The following E2F6 variants were observed in gnomAD, a reference collection of about 807,000 sequenced individuals.
The protein encoded by E2F6 is transcription factor E2F6.
E2F6 carries 19 observed loss-of-function variants against 31.5 expected under a neutral mutation model. That is an observed-to-expected ratio of 0.60 (90% CI 0.42 to 0.89). E2F6 has a LOEUF of 0.89. Ranked by LOEUF, E2F6 falls within the 40% of genes least tolerant of loss-of-function variation. E2F6 has a pLI of 0.00. For synonymous variants in E2F6, 121 were observed against 127.7 expected (o/e 0.95, Z 0.36); for missense variants, 269 against 341.6 (o/e 0.79, Z 1.67).
At position 11,457,185 on chromosome 2, in the gene E2F6, T is replaced by C. The variant is rs1328757693; in HGVS notation, c.157A>G (p.Met53Val). 1.3e-6 allele frequency: 2 copies of C among 1,560,610 alleles called. No individual in the cohort carries two copies. Among genetic ancestry groups the C allele is most frequent in the Non-Finnish European group, 8.8e-7 (1 of 1,134,984 alleles). ...NLEDNVQYVSMRKALKVKRPR... is the reference protein window; with the variant it reads ...NLEDNVQYVSVRKALKVKRPR... ...TATTCAGGAATCAACTTACTTCTCA[T>C]GGACACATATTGTACATTATCTTCT... Residue 53 changes from methionine to valine, a missense_variant, in exon 2 of 7, where the codon ATG (methionine) becomes GTG (valine). Transcript: ENST00000381525.
chr2:11,453,559 G>A lies in E2F6; in HGVS notation c.380+23C>T, dbSNP rs376478332. The stretch of plus-strand genomic sequence containing the variant: ...CTTGATGAGAAGGAACAAAAGCCAC[G>A]AAAAAGTTTGAAAGCAACTCACATC... On this transcript the variant is annotated intron_variant, in intron 3 of 6. Coordinates refer to ENST00000381525, the MANE Select transcript of E2F6 (RefSeq NM_198256.4). The A allele has an allele frequency of 5.0e-6, 8 of 1,609,908 alleles. No homozygotes were observed. In the African/African-American group the frequency reaches 8.0e-5, roughly 16 times the overall value.
chr2:11,450,163 T>G, intron 4 of E2F6, 37 bp from the exon 5 acceptor site: 1 of 1,392,446 alleles, frequency 7.2e-7, no homozygotes. Context: ...CAGAATGCTG[T>G]TTACTGGGGA....
chr2:11,446,808 C>A (rs1045456124), intron 6 of E2F6, among the ~76,000 whole-genome samples: 2 of 152,226 alleles, frequency 1.3e-5, no homozygotes, highest in Non-Finnish European at 2.9e-5. Context: ...ACGACTCCCC[C>A]AGTCTTCGTA....
chr2:11,450,923 T>C (rs895389007), intron 4 of E2F6, among the ~76,000 whole-genome samples: 1 of 152,112 alleles, frequency 6.6e-6, no homozygotes, highest in South Asian at 2.1e-4. Context: ...CAGCACAGCA[T>C]ATAGGTTTAA....
intron 2 of E2F6, chr2:11,455,211 T>C (rs1362362543): frequency 1.4e-6 from 1 of 724,306 alleles, no homozygotes; most frequent in East Asian, 9.4e-5. Context: ...AAAAAGTTCT[T>C]ATGGCTTGGT....
intron 5 of E2F6, 34 bp from the exon 6 acceptor site, chr2:11,447,808 G>A: frequency 6.3e-7 from 1 of 1,588,044 alleles, no homozygotes; most frequent in Non-Finnish European, 8.5e-7. Flanking sequence ...CAAGATGAAT[G>A]AAATAATAAA....
At chr2:11,451,524 G>T in intron 4 of E2F6, 127 bp downstream of exon 4, 1 of 1,001,764 alleles carries the variant, frequency 1.0e-6, no homozygotes. Context: ...GGCTAATTTT[G>T]TATTTAACTT....
intron 2 of E2F6, among the ~76,000 whole-genome samples, chr2:11,455,041 T>C (rs1490007726): frequency 6.6e-6 from 1 of 152,238 alleles, no homozygotes; most frequent in African/African-American, 2.4e-5. Flanking sequence ...GAAACTACTG[T>C]ATGTCCCCTT....
intron 1 of E2F6, chr2:11,458,411 G>A: frequency 6.6e-7 from 1 of 1,514,714 alleles, no homozygotes; most frequent in Non-Finnish European, 9.0e-7. Flanking sequence ...AAGGTGTGAA[G>A]ATGTATATGG....
intron 6 of E2F6, among the ~76,000 whole-genome samples, chr2:11,447,350 C>G (rs1670781862): frequency 6.6e-6 from 1 of 152,166 alleles, no homozygotes; most frequent in Non-Finnish European, 1.5e-5. Context: ...CCGAGTGGAG[C>G]TGCTGTTTGA....
chr2:11,463,958 G>GGGGA (rs56958029), intron 1 of E2F6, among the ~76,000 whole-genome samples: 8 of 106,354 alleles, frequency 7.5e-5, no homozygotes, highest in South Asian at 3.4e-4. Flanking sequence ...CGGGGGGGGG[G>GGGGA]ACAAAAACAA....
chr2:11,459,596 A>G (rs564102575), intron 1 of E2F6, among the ~76,000 whole-genome samples: 1 of 152,128 alleles, frequency 6.6e-6, no homozygotes, highest in African/African-American at 2.4e-5. Context: ...ATAGAAACAT[A>G]AGTCCAGGCG....
At chr2:11,464,869 C>T (rs1193775965) in intron 1 of E2F6, among the ~76,000 whole-genome samples, 2 of 151,996 alleles carry the variant, frequency 1.3e-5, no homozygotes, top group Admixed American at 6.6e-5. Flanking sequence ...GGCATAATGA[C>T]TTGGGAAAAT....
chr2:11,450,838 G>GGA (rs924069409), intron 4 of E2F6, among the ~76,000 whole-genome samples: 1 of 151,950 alleles, frequency 6.6e-6, no homozygotes, highest in South Asian at 2.1e-4. Flanking sequence ...TTTGACTGCT[G>GGA]GAGAGAGTTT....
chr2:11,447,239 T>C (rs1220849200), intron 6 of E2F6, among the ~76,000 whole-genome samples: 1 of 152,044 alleles, frequency 6.6e-6, no homozygotes, highest in Non-Finnish European at 1.5e-5. Context: ...CTGAGTTGAG[T>C]GGGTATTTGA....
intron 6 of E2F6, 124 bp from the exon 7 acceptor site, chr2:11,446,647 A>C (rs548423046): frequency 1.3e-5 from 10 of 752,912 alleles, no homozygotes; most frequent in African/African-American, 5.4e-5. Context: ...TGCCTGGTCA[A>C]GAACACGTAT....
At position 11,458,461 on chromosome 2, in the gene E2F6, G is replaced by A; in HGVS notation, c.109-1228C>T. The A allele has an allele frequency of 4.5e-6, 5 of 1,117,710 alleles. No individual in the cohort carries two copies. The East Asian group carries it at 7.7e-5, about 17-fold the overall frequency. 69.2% of individuals were successfully genotyped at this position (1,117,710 alleles called of 1,614,324 possible). On this transcript the variant is annotated intron_variant, in intron 1 of 6. Transcript: ENST00000381525. Reference sequence around the variant, plus strand: ...GGGAACCCACTGAAGTGGCCAGTGTGTAAGTGACTTGACTTTGAAGCTGGG... The same window carrying A: ...GGGAACCCACTGAAGTGGCCAGTGTATAAGTGACTTGACTTTGAAGCTGGG...
intron 5 of E2F6, among the ~76,000 whole-genome samples, chr2:11,448,637 C>G (rs139591257): frequency 0.01 from 1,549 of 152,248 alleles, 4 homozygotes; most frequent in Middle Eastern, 0.031. Context: ...TTCTAGAGTG[C>G]CAGGTCACAA....
intron 3 of E2F6, 61 bp from the exon 4 acceptor site, chr2:11,451,867 G>A (rs542218591): frequency 6.6e-7 from 1 of 1,504,962 alleles, no homozygotes; most frequent in African/African-American, 1.4e-5. Flanking sequence ...GTAATTTCAA[G>A]TTAGGTTATT....
Sources: gnomAD v4.1 joint callset for allele counts (sites outside exome capture counted in the v4.1 genomes callset) on GRCh38, gnomAD v4.1.1 for gene constraint, MANE v1.5 for transcripts, NCBI Gene and HGNC (gene_info 2026-07-23, HGNC 2026-07-21) for gene names.